The following PRAG1 variants were observed in gnomAD, a reference collection of about 807,000 sequenced individuals.
PRAG1 encodes PEAK1 related, kinase-activating pseudokinase 1, also known as inactive tyrosine-protein kinase PRAG1.
PRAG1 carries 110 observed loss-of-function variants against 95.6 expected under a neutral mutation model. The ratio of observed to expected loss-of-function variants is 1.15; its 90% confidence interval spans 0.99 to 1.35. The LOEUF (loss-of-function observed/expected upper bound fraction) is 1.35, where lower values mean the gene tolerates loss of function less well. Among genes scored for constraint, PRAG1 ranks in the 40% most tolerant of loss-of-function variants. The pLI, the probability that PRAG1 is intolerant of heterozygous loss-of-function variation, is 0.00. For missense variants in PRAG1, 2,554 were observed against 1,864.7 expected (o/e 1.37, Z -6.81); for synonymous variants, 1,052 against 819.4 (o/e 1.28, Z -4.85).
In PRAG1 at chr8:8,317,954, G is replaced by C. The variant is rs1277843873; in HGVS notation, c.*200C>G. 3 of 372,542 alleles carry C rather than the reference G, an allele frequency of 8.1e-6. No individual in the cohort carries two copies. Among genetic ancestry groups the C allele is most frequent in the African/African-American group, 4.2e-5 (2 of 47,834 alleles). 23.1% of individuals were successfully genotyped at this position (372,542 alleles called of 1,614,324 possible). A position where few individuals can be genotyped will look rare whatever the true frequency, so the allele number is the denominator to read the frequency against. On this transcript the variant is annotated 3_prime_UTR_variant, in exon 6 of 6. Coordinates refer to ENST00000615670, the MANE Select transcript of PRAG1 (RefSeq NM_001080826.3). ...GGAGGACTTAGTGCAGAGAGGAGACGAGTGTGGACGGGCAACAGCATCCTT... is the reference window on the plus strand; with the variant it reads ...GGAGGACTTAGTGCAGAGAGGAGACCAGTGTGGACGGGCAACAGCATCCTT...
chr8:8,381,833 T>C lies in PRAG1; in HGVS notation c.-86A>G. ...TTCAGAGGTGGGTCACAGAGCGGCTTCCTAGAAAGGCAGGACAGTTTCCTG... is the reference window on the plus strand; with the variant it reads ...TTCAGAGGTGGGTCACAGAGCGGCTCCCTAGAAAGGCAGGACAGTTTCCTG... On this transcript the variant is annotated splice_region_variant and 5_prime_UTR_variant, in exon 2 of 6. Coordinates refer to ENST00000615670, the MANE Select transcript of PRAG1 (RefSeq NM_001080826.3). 1 of 1,109,502 alleles carries C rather than the reference T, an allele frequency of 9.0e-7. No homozygotes were observed. Among genetic ancestry groups the C allele is most frequent in the Non-Finnish European group, 1.3e-6 (1 of 792,608 alleles). The allele number at this position is 1,109,502 out of a possible 1,614,324, so 68.7% of individuals were successfully genotyped here. A position where few individuals can be genotyped will look rare whatever the true frequency, so the allele number is the denominator to read the frequency against.
intron 4 of PRAG1, among the ~76,000 whole-genome samples, chr8:8,336,913 C>A (rs866437388): frequency 6.5e-5 from 6 of 91,686 alleles, no homozygotes; most frequent in East Asian, 7.9e-4. Flanking sequence ...CCCTTTCCCC[C>A]CTCCCCCCAC....
Position 8,328,405 on chromosome 8 carries a change from G to C in PRAG1, c.2377C>G (p.Pro793Ala), listed in dbSNP as rs764227798. ...GTGGAGCCTGAAGGAAACGGAACGG[G>C]AGCAAAGAGCTTCTTCCCGCTGTTG... ...PTNSGKKLFA[P>A]VPFPSGSTED... The change falls in exon 5 of 6, where the codon CCC (proline) becomes GCC (alanine). Residue 793 changes from proline (P) to alanine (A), a missense_variant. Transcript: ENST00000615670. 2.5e-6 allele frequency: 4 copies of C among 1,613,668 alleles called. No homozygotes were observed. The African/African-American group carries it at 5.3e-5, about 22-fold the overall frequency.
intron 3 of PRAG1, among the ~76,000 whole-genome samples, chr8:8,342,581 T>C (rs370233393): frequency 2.0e-5 from 3 of 152,312 alleles, no homozygotes; most frequent in African/African-American, 7.2e-5. Context: ...CAAGGACCAG[T>C]TGCTGTATAA....
intron 5 of PRAG1, 58 bp downstream of exon 5, chr8:8,327,652 T>G (rs897631459): frequency 1.4e-5 from 22 of 1,554,708 alleles, no homozygotes; most frequent in Admixed American, 3.6e-5. Flanking sequence ...GCCACAGTTC[T>G]GCCCAAGCCA....
rs529407901 is a variant in PRAG1 at position 8,382,335 on chromosome 8, G to C, written c.-87-501C>G. Among the ~76,000 whole-genome samples, 33 of 152,218 alleles carry C rather than the reference G, an allele frequency of 2.2e-4. 1 individual carries two copies. Among genetic ancestry groups the C allele is most frequent in the Non-Finnish European group, 4.1e-4 (28 of 68,042 alleles). ...CTGTGTGAGAGGGGAGGCAGCTTTA[G>C]GCCCTGAAAGGTGCATTGTAATCCA... On this transcript the variant is annotated intron_variant, in intron 1 of 5. Transcript: ENST00000615670.
At chr8:8,334,576 T>C (rs1798927450) in intron 4 of PRAG1, among the ~76,000 whole-genome samples, 1 of 151,566 alleles carries the variant, frequency 6.6e-6, no homozygotes, top group African/African-American at 2.4e-5. Flanking sequence ...CCAGACCACT[T>C]AATCATCCCA....
intron 3 of PRAG1, among the ~76,000 whole-genome samples, chr8:8,360,455 G>T (rs1446370336): frequency 6.6e-6 from 1 of 152,064 alleles, no homozygotes; most frequent in Non-Finnish European, 1.5e-5. Context: ...TACAGGTGTG[G>T]GTCTAGACTT....
intron 3 of PRAG1, among the ~76,000 whole-genome samples, chr8:8,358,468 C>A (rs1258090553): frequency 2.0e-5 from 3 of 152,168 alleles, no homozygotes; most frequent in African/African-American, 4.8e-5. Flanking sequence ...TGGAGTGGGA[C>A]TGAAAGTCTC....
At chr8:8,337,654 A>T (rs2945910) in intron 4 of PRAG1, among the ~76,000 whole-genome samples, 1 of 151,952 alleles carries the variant, frequency 6.6e-6, no homozygotes, top group Non-Finnish European at 1.5e-5. Context: ...TGGGAGTCTA[A>T]GTTTTGAAAT....
intron 3 of PRAG1, among the ~76,000 whole-genome samples, chr8:8,355,315 T>C (rs1799648505): frequency 6.6e-6 from 1 of 152,184 alleles, no homozygotes; most frequent in South Asian, 2.1e-4. Flanking sequence ...GAAGAATTAA[T>C]ATTGTTGAAA....
intron 5 of PRAG1, among the ~76,000 whole-genome samples, chr8:8,320,281 C>A (rs773567020): frequency 6.6e-6 from 1 of 152,198 alleles, no homozygotes; most frequent in Non-Finnish European, 1.5e-5. Flanking sequence ...CCAGAAGGAA[C>A]CCTCAGAGGA....
intron 3 of PRAG1, among the ~76,000 whole-genome samples, chr8:8,367,751 C>T (rs990240215): frequency 2.0e-5 from 3 of 151,910 alleles, no homozygotes; most frequent in African/African-American, 4.8e-5. Flanking sequence ...AAGCAATTCT[C>T]CTGCCTCAGC....
Position 8,345,497 on chromosome 8 carries a change from G to T in PRAG1, c.2163-5862C>A, listed in dbSNP as rs947628573. On this transcript the variant is annotated intron_variant, in intron 3 of 5. Transcript: ENST00000615670. ...ACGTAGGTGACCCTTTTGCTTAATAGCAAAATCTTAAGGCTGGGCACAGTG... is the reference window on the plus strand; with the variant it reads ...ACGTAGGTGACCCTTTTGCTTAATATCAAAATCTTAAGGCTGGGCACAGTG... 4.6e-5 allele frequency among the ~76,000 whole-genome samples: 7 copies of T among 152,160 alleles called. No homozygotes were observed. The East Asian group carries it at 1.4e-3, about 29-fold the overall frequency.
intron 3 of PRAG1, among the ~76,000 whole-genome samples, chr8:8,343,360 T>C (rs753331967): frequency 1.3e-5 from 2 of 152,196 alleles, no homozygotes; most frequent in African/African-American, 2.4e-5. Flanking sequence ...TATAATCCAG[T>C]CACTCCATTT....
At chr8:8,349,794 A>C (rs1799460708) in intron 3 of PRAG1, among the ~76,000 whole-genome samples, 1 of 152,092 alleles carries the variant, frequency 6.6e-6, no homozygotes. Context: ...CAGGCCTGTT[A>C]ATTTGCATTT....
chr8:8,348,828 T>C (rs1195091588), intron 3 of PRAG1, among the ~76,000 whole-genome samples: 2 of 152,196 alleles, frequency 1.3e-5, no homozygotes, highest in Non-Finnish European at 2.9e-5. Flanking sequence ...TGATGTGAAA[T>C]AGGCTTGTAA....
At chr8:8,337,226 G>T (rs1376980684) in intron 4 of PRAG1, among the ~76,000 whole-genome samples, 2 of 152,120 alleles carry the variant, frequency 1.3e-5, no homozygotes, top group Non-Finnish European at 2.9e-5. Flanking sequence ...TTTTCTATTT[G>T]GATCTAATCT....
rs954186296 is a variant in PRAG1, at chr8:8,354,543, C to A, written c.2163-14908G>T. Among the ~76,000 whole-genome samples, 9 of 152,246 alleles carry A rather than the reference C, an allele frequency of 5.9e-5. No homozygotes were observed. The East Asian group carries it at 1.5e-3, about 26-fold the overall frequency. Reference sequence around the variant, plus strand: ...TAATTCAATTCTCAATAAAGTATTGCAGACTGAATTCAACAATACATTCAA... The same window carrying A: ...TAATTCAATTCTCAATAAAGTATTGAAGACTGAATTCAACAATACATTCAA... On this transcript the variant is annotated intron_variant, in intron 3 of 5. Transcript: ENST00000615670.
Sources: allele counts gnomAD v4.1 joint callset (sites outside exome capture counted in the v4.1 genomes callset), GRCh38; gene constraint gnomAD v4.1.1; transcripts MANE v1.5; gene names NCBI Gene and HGNC (gene_info 2026-07-23, HGNC 2026-07-21).